LRMDA: variants seen among roughly 807,000 people sequenced by gnomAD.
LRMDA encodes leucine rich melanocyte differentiation associated.
Under a neutral mutation model 29.8 loss-of-function variants are expected in LRMDA, and 18 were observed. That is an observed-to-expected ratio of 0.60 (90% confidence interval 0.42 to 0.90). The LOEUF is 0.90. LRMDA is among the 40% of genes least tolerant of loss of function. The probability of loss-of-function intolerance (pLI) is 0.00; values close to 1 mark genes in which losing one functional copy is unlikely to be tolerated. For synonymous variants in LRMDA, 125 were observed against 109.4 expected (o/e 1.14, Z -0.89); for missense variants, 273 against 273.9 (o/e 1.00, Z 0.02).
At chr10:76,515,790 C>G (rs555007661) in intron 6 of LRMDA, among the ~76,000 whole-genome samples, 1 of 152,310 alleles carries the variant, frequency 6.6e-6, no homozygotes, top group East Asian at 1.9e-4. Context: ...AGCCGTGAGG[C>G]ACCATGCCCA....
At chr10:76,263,411 G>A (rs1839967489) in intron 5 of LRMDA, among the ~76,000 whole-genome samples, 1 of 152,092 alleles carries the variant, frequency 6.6e-6, no homozygotes, top group Admixed American at 6.6e-5. Flanking sequence ...TTTGAAAAAT[G>A]GAGTTGATGT....
chr10:75,458,332 G>A (rs1844544400), intron 2 of LRMDA, among the ~76,000 whole-genome samples: 1 of 152,256 alleles, frequency 6.6e-6, no homozygotes, highest in East Asian at 1.9e-4. Flanking sequence ...CAAAGTTAGG[G>A]CTCTGTGGGG....
intron 5 of LRMDA, among the ~76,000 whole-genome samples, chr10:76,302,785 A>C (rs2132364022): frequency 6.6e-6 from 1 of 152,308 alleles, no homozygotes; most frequent in Non-Finnish European, 1.5e-5. Flanking sequence ...TTTGTATAGA[A>C]GTGTTTTGTG....
chr10:75,928,181 C>T (rs938138656), intron 2 of LRMDA, among the ~76,000 whole-genome samples: 6 of 151,980 alleles, frequency 3.9e-5, no homozygotes, highest in Admixed American at 1.3e-4. Context: ...GGTGAATTCA[C>T]GCGGCAGGGA....
chr10:76,033,934 G>A (rs1034444091), intron 2 of LRMDA, among the ~76,000 whole-genome samples: 5 of 151,958 alleles, frequency 3.3e-5, no homozygotes, highest in Non-Finnish European at 2.9e-5. Flanking sequence ...CACACCCCCA[G>A]GGTCAGGGCG....
At chr10:76,394,956 G>A (rs1841765774) in intron 6 of LRMDA, among the ~76,000 whole-genome samples, 1 of 152,148 alleles carries the variant, frequency 6.6e-6, no homozygotes, top group South Asian at 2.1e-4. Context: ...CAAAAGAGAT[G>A]TGATCCCTCT....
intron 6 of LRMDA, among the ~76,000 whole-genome samples, chr10:76,505,140 T>A (rs998511739): frequency 6.6e-6 from 1 of 151,918 alleles, no homozygotes; most frequent in Admixed American, 6.6e-5. Context: ...GCTCCCTATG[T>A]CTTCTGCCTT....
intron 2 of LRMDA, among the ~76,000 whole-genome samples, chr10:75,702,253 C>A (rs1224073229): frequency 6.6e-6 from 1 of 152,140 alleles, no homozygotes; most frequent in African/African-American, 2.4e-5. Flanking sequence ...CCCTGCAGAC[C>A]ATCATCTCTC....
intron 2 of LRMDA, among the ~76,000 whole-genome samples, chr10:75,904,975 T>G (rs1186639993): frequency 6.6e-6 from 1 of 151,332 alleles, no homozygotes; most frequent in African/African-American, 2.4e-5. Context: ...AGTGAGACAG[T>G]GGAAGGAGGG....
intron 2 of LRMDA, among the ~76,000 whole-genome samples, chr10:75,838,115 C>T (rs1040661356): frequency 6.5e-4 from 99 of 152,262 alleles, no homozygotes; most frequent in African/African-American, 2.3e-3. Flanking sequence ...CTGAAATGTT[C>T]TATTTTTCAA....
At chr10:75,891,521 T>A (rs966045309) in intron 2 of LRMDA, among the ~76,000 whole-genome samples, 1 of 152,058 alleles carries the variant, frequency 6.6e-6, no homozygotes, top group African/African-American at 2.4e-5. Context: ...GTCATTGTGG[T>A]GAGATGGGGA....
At chr10:76,246,743 A>G (rs573715864) in intron 5 of LRMDA, among the ~76,000 whole-genome samples, 28 of 152,272 alleles carry the variant, frequency 1.8e-4, no homozygotes, top group Middle Eastern at 3.4e-3. Flanking sequence ...GGTGTGTGGG[A>G]TTGAAACAAG....
intron 6 of LRMDA, among the ~76,000 whole-genome samples, chr10:76,488,455 A>G (rs1253899582): frequency 8.6e-6 from 1 of 115,756 alleles, no homozygotes; most frequent in Admixed American, 9.1e-5. Flanking sequence ...TTCTTTCAGT[A>G]TAATTATTTT....
intron 6 of LRMDA, among the ~76,000 whole-genome samples, chr10:76,388,929 G>C (rs1226570797): frequency 6.6e-6 from 1 of 152,100 alleles, no homozygotes. Flanking sequence ...TCAAACTCAG[G>C]CAGTCTGGCT....
intron 5 of LRMDA, among the ~76,000 whole-genome samples, chr10:76,072,946 C>T (rs187081178): frequency 2.0e-5 from 3 of 152,226 alleles, no homozygotes; most frequent in East Asian, 3.9e-4. Context: ...TGCATAGGAA[C>T]AGCTGGTGTT....
intron 2 of LRMDA, among the ~76,000 whole-genome samples, chr10:75,773,685 T>G (rs1843272913): frequency 6.6e-6 from 1 of 152,204 alleles, no homozygotes; most frequent in Non-Finnish European, 1.5e-5. Context: ...AGCCTTTGGG[T>G]CACTGTTTAC....
chr10:76,089,794 A>G lies in LRMDA; in HGVS notation c.516+31011A>G, dbSNP rs191783874. On this transcript the variant is annotated intron_variant, in intron 5 of 6. Coordinates refer to ENST00000611255, the MANE Select transcript of LRMDA (RefSeq NM_001305581.2). Reference sequence around the variant, plus strand: ...TAATGTTTAAGAGTAGAGAATAGGGAACATAATGATGGATAAATTATAAGT... The same window carrying G: ...TAATGTTTAAGAGTAGAGAATAGGGGACATAATGATGGATAAATTATAAGT... 6.4e-3 allele frequency among the ~76,000 whole-genome samples: 977 copies of G among 152,318 alleles called. 7 individuals are homozygous for G. The highest frequency in any genetic ancestry group is 0.011 in the Non-Finnish European group (719 of 68,010).
rs193123812 is a variant in LRMDA, at chr10:76,435,641, A to G, written c.601+111156A>G. On this transcript the variant is annotated intron_variant, in intron 6 of 6. Transcript: ENST00000611255. ...CTGCCTTCTGGGTTGGGAGAAGTTGAAAGACTTCATAGAATCACCCCCGCT... is the reference window on the plus strand; with the variant it reads ...CTGCCTTCTGGGTTGGGAGAAGTTGGAAGACTTCATAGAATCACCCCCGCT... Among the ~76,000 whole-genome samples, 68 of 152,322 alleles carry G rather than the reference A, an allele frequency of 4.5e-4. 1 individual carries two copies. The South Asian group carries it at 8.3e-3, about 19-fold the overall frequency.
At chr10:76,273,528 GTGTAAGTTTCCTAAACTTTGCCA>G (rs1840092946) in intron 5 of LRMDA, among the ~76,000 whole-genome samples, 1 of 152,146 alleles carries the variant, frequency 6.6e-6, no homozygotes, top group Non-Finnish European at 1.5e-5. Flanking sequence ...CATTGCTTGT[GTGTAAGTTTCCTAAACTTTGCCA>G]TACCTCCATA....
Sources: allele counts gnomAD v4.1 joint callset (sites outside exome capture counted in the v4.1 genomes callset), GRCh38; gene constraint gnomAD v4.1.1; transcripts MANE v1.5; gene names NCBI Gene and HGNC (gene_info 2026-07-23, HGNC 2026-07-21).